PLXNA4: variants seen among roughly 807,000 people sequenced by gnomAD.
The protein encoded by PLXNA4 is plexin A4.
In PLXNA4, 44 loss-of-function variants were observed where a neutral mutation model predicts 191.8. The observed-to-expected ratio is 0.23, with a 90% CI of 0.18 to 0.29. PLXNA4 has a LOEUF of 0.29. Ranked by LOEUF, PLXNA4 falls within the 10% of genes least tolerant of loss-of-function variation. The pLI, the probability that PLXNA4 is intolerant of heterozygous loss-of-function variation, is 1.00. For synonymous variants in PLXNA4, 1,082 were observed against 1,009.5 expected (o/e 1.07, Z -1.36); for missense variants, 1,800 against 2,488.8 (o/e 0.72, Z 5.89).
At chr7:132,560,764 GC>G (rs1801003768) in intron 1 of PLXNA4, among the ~76,000 whole-genome samples, 1 of 151,968 alleles carries the variant, frequency 6.6e-6, no homozygotes, top group South Asian at 2.1e-4. Flanking sequence ...AGCTGCCCAG[GC>G]AAGACACCTG....
intron 4 of PLXNA4, among the ~76,000 whole-genome samples, chr7:132,266,745 C>CA (rs1389292316): frequency 6.6e-6 from 1 of 152,234 alleles, no homozygotes; most frequent in African/African-American, 2.4e-5. Context: ...GACCTGGCTG[C>CA]ACCAAGTGAT....
intron 3 of PLXNA4, chr7:132,484,713 T>C: frequency 6.5e-7 from 1 of 1,527,478 alleles, no homozygotes; most frequent in Non-Finnish European, 8.8e-7. Context: ...GTTCCAACAT[T>C]GTATCTCCAT....
At chr7:132,143,109 G>C (rs1049489827) in intron 29 of PLXNA4, among the ~76,000 whole-genome samples, 1 of 152,162 alleles carries the variant, frequency 6.6e-6, no homozygotes, top group African/African-American at 2.4e-5. Context: ...GGAAGAAGGG[G>C]GTGGGGAGAG....
intron 14 of PLXNA4, among the ~76,000 whole-genome samples, chr7:132,192,003 A>G (rs1227189877): frequency 6.6e-6 from 1 of 152,052 alleles, no homozygotes; most frequent in Non-Finnish European, 1.5e-5. Context: ...TCGTCCATGA[A>G]CCCCATTATA....
intron 4 of PLXNA4, among the ~76,000 whole-genome samples, chr7:132,284,037 A>G (rs1030257554): frequency 4.6e-5 from 7 of 152,236 alleles, no homozygotes; most frequent in Middle Eastern, 3.4e-3. Flanking sequence ...TAGCTTAGAG[A>G]GAAAGGGCAC....
chr7:132,634,024 A>T (rs1563199972), intron 2 of PLXNA4, among the ~76,000 whole-genome samples: 1 of 152,000 alleles, frequency 6.6e-6, no homozygotes, highest in East Asian at 1.9e-4. Context: ...TAACTTAAAC[A>T]TACCCTGAGA....
rs965210116 is a variant in PLXNA4 at position 132,125,020 on chromosome 7, G to C, written c.*5459C>G. On this transcript the variant is annotated 3_prime_UTR_variant, in exon 32 of 32. Transcript: ENST00000321063. ...CCTCTAATAAAATAATTTTATGGGGGAGCAAAAATTTGTAGTAAAAAAAAA... is the reference window on the plus strand; with the variant it reads ...CCTCTAATAAAATAATTTTATGGGGCAGCAAAAATTTGTAGTAAAAAAAAA... 2 of 151,656 alleles carry C rather than the reference G, an allele frequency of 1.3e-5. No individual in the cohort carries two copies. The highest frequency in any genetic ancestry group is 4.8e-5 in the African/African-American group (2 of 41,254). The allele number at this position is 151,656 out of a possible 1,614,324, so 9.4% of individuals were successfully genotyped here. A position where few individuals can be genotyped will look rare whatever the true frequency, so the allele number is the denominator to read the frequency against.
intron 3 of PLXNA4, among the ~76,000 whole-genome samples, chr7:132,399,436 G>T (rs1793896878): frequency 6.6e-6 from 1 of 152,218 alleles, no homozygotes; most frequent in Admixed American, 6.5e-5. Flanking sequence ...GTGAATGAAA[G>T]ACTCTGAATA....
chr7:132,509,072 C>T (rs1454063593), intron 1 of PLXNA4, among the ~76,000 whole-genome samples: 1 of 151,348 alleles, frequency 6.6e-6, no homozygotes, highest in Admixed American at 6.6e-5. Flanking sequence ...CTACTGAGTG[C>T]CTGAATTTGT....
rs114312778 is a variant in PLXNA4 at position 132,185,035 on chromosome 7, C to T, written c.3158+264G>A. 6.9e-3 allele frequency among the ~76,000 whole-genome samples: 1,056 copies of T among 152,266 alleles called. 15 individuals carry two copies. Among genetic ancestry groups the T allele is most frequent in the African/African-American group, 0.025 (1,019 of 41,542 alleles). On this transcript the variant is annotated intron_variant, in intron 16 of 31. Coordinates refer to ENST00000321063, the MANE Select transcript of PLXNA4 (RefSeq NM_020911.2). The stretch of plus-strand genomic sequence containing the variant: ...CACTGCAGCATAGGGACATGGCCTC[C>T]AGCACAGTGCCTGTCCTTGAACTGG...
At chr7:132,592,410 A>T (rs918111030) in intron 2 of PLXNA4, among the ~76,000 whole-genome samples, 1 of 152,156 alleles carries the variant, frequency 6.6e-6, no homozygotes, top group Non-Finnish European at 1.5e-5. Context: ...CACTCTTCTC[A>T]TTAAAAGGAC....
At chr7:132,132,462 G>GC (rs1563048294) in intron 31 of PLXNA4, among the ~76,000 whole-genome samples, 84 of 46,396 alleles carry the variant, frequency 1.8e-3, no homozygotes, top group African/African-American at 2.9e-3. Flanking sequence ...GTTCTGTTCT[G>GC]TTCTGCTCTG....
intron 1 of PLXNA4, among the ~76,000 whole-genome samples, chr7:132,536,848 A>G (rs1273916473): frequency 6.6e-6 from 1 of 152,240 alleles, no homozygotes; most frequent in African/African-American, 2.4e-5. Flanking sequence ...TTAGGGCAGA[A>G]AGAGACAGTC....
intron 2 of PLXNA4, among the ~76,000 whole-genome samples, chr7:132,639,617 G>A (rs762304909): frequency 1.3e-4 from 20 of 152,126 alleles, no homozygotes; most frequent in Non-Finnish European, 2.5e-4. Flanking sequence ...CAACACTGCC[G>A]CCTCCCACCC....
chr7:132,385,654 T>C (rs1160242330), intron 3 of PLXNA4, among the ~76,000 whole-genome samples: 1 of 152,130 alleles, frequency 6.6e-6, no homozygotes, highest in Admixed American at 6.5e-5. Flanking sequence ...AAGAACAACC[T>C]CAAAGCCCCA....
At chr7:132,326,288 AG>A (rs1802354243) in intron 3 of PLXNA4, among the ~76,000 whole-genome samples, 1 of 152,184 alleles carries the variant, frequency 6.6e-6, no homozygotes, top group South Asian at 2.1e-4. Context: ...ACTCCAGATG[AG>A]GGAACTTCCC....
chr7:132,485,850 C>A (rs898914897), intron 3 of PLXNA4, among the ~76,000 whole-genome samples: 7 of 152,208 alleles, frequency 4.6e-5, no homozygotes, highest in African/African-American at 1.7e-4. Flanking sequence ...CTCCTTTCCC[C>A]CCGCTTCATG....
chr7:132,185,730 TAA>T (rs1796857711), intron 15 of PLXNA4, among the ~76,000 whole-genome samples: 1 of 152,230 alleles, frequency 6.6e-6, no homozygotes, highest in African/African-American at 2.4e-5. Flanking sequence ...AGAATCTGGC[TAA>T]GTCTATTTGG....
intron 25 of PLXNA4, among the ~76,000 whole-genome samples, chr7:132,155,974 G>T (rs1365729273): frequency 6.6e-6 from 1 of 152,138 alleles, no homozygotes; most frequent in African/African-American, 2.4e-5. Flanking sequence ...GAGAAAGTGG[G>T]AATTCTGCCA....
Sources: gnomAD v4.1 joint callset for allele counts (sites outside exome capture counted in the v4.1 genomes callset) on GRCh38, gnomAD v4.1.1 for gene constraint, MANE v1.5 for transcripts, NCBI Gene and HGNC (gene_info 2026-07-23, HGNC 2026-07-21) for gene names.